The following IDE variants were observed in gnomAD, a reference collection of about 807,000 sequenced individuals.
The protein encoded by IDE is insulin-degrading enzyme.
In IDE, 58 loss-of-function variants were observed where a neutral mutation model predicts 133.2. That is an observed-to-expected ratio of 0.44 (90% CI 0.35 to 0.54). IDE has a LOEUF of 0.54. IDE is among the 20% of genes least tolerant of loss of function. The pLI is 0.00. For missense variants in IDE, 981 were observed against 1,234.0 expected (o/e 0.79, Z 3.07); for synonymous variants, 396 against 421.3 (o/e 0.94, Z 0.73).
intron 1 of IDE, among the ~76,000 whole-genome samples, chr10:92,566,245 G>C (rs1272912642): frequency 2.6e-5 from 4 of 151,468 alleles, no homozygotes; most frequent in Non-Finnish European, 4.4e-5. Flanking sequence ...TATGTGCCAA[G>C]TTCCAGCTAC....
At chr10:92,522,623 G>A (rs1019035253) in intron 4 of IDE, among the ~76,000 whole-genome samples, 2 of 152,134 alleles carry the variant, frequency 1.3e-5, no homozygotes, top group Non-Finnish European at 2.9e-5. Flanking sequence ...TAAGATCCTG[G>A]AGAAATAAAT....
At chr10:92,556,922 C>CA (rs375189780) in intron 1 of IDE, among the ~76,000 whole-genome samples, 10,430 of 82,808 alleles carry the variant, frequency 0.13, 580 homozygotes, top group Non-Finnish European at 0.18. Flanking sequence ...GACTCCGCCT[C>CA]AAAAAAAAAA....
intron 1 of IDE, among the ~76,000 whole-genome samples, chr10:92,548,966 T>C (rs1190878084): frequency 1.3e-5 from 2 of 152,072 alleles, no homozygotes; most frequent in Admixed American, 6.6e-5. Context: ...GTATGGGATA[T>C]CTCCCACAAG....
At chr10:92,560,302 G>T (rs1229856202) in intron 1 of IDE, among the ~76,000 whole-genome samples, 1 of 152,274 alleles carries the variant, frequency 6.6e-6, no homozygotes, top group South Asian at 2.1e-4. Flanking sequence ...CAGTGTCAAC[G>T]TTCCTATCTG....
chr10:92,508,339 A>C, intron 7 of IDE, 134 bp from the exon 8 acceptor site: 1 of 728,992 alleles, frequency 1.4e-6, no homozygotes, highest in Non-Finnish European at 2.4e-6. Context: ...TTGGGAAAAA[A>C]AAATCAGTTC....
chr10:92,528,212 A>G (rs979525180), intron 4 of IDE, among the ~76,000 whole-genome samples: 10 of 152,220 alleles, frequency 6.6e-5, no homozygotes, highest in Non-Finnish European at 1.5e-4. Flanking sequence ...CAAAAGTGAT[A>G]GTGGGCATCC....
chr10:92,506,427 TA>T lies in IDE; in HGVS notation c.1326+14del. On this transcript the variant is annotated intron_variant, in intron 10 of 24. Transcript: ENST00000265986. ...CCACACAGCAATGTATACAGTAAAA[TA>T]ACAACAAACTTACATGCAATATTCC... 1 of 1,378,006 alleles carries T rather than the reference TA, an allele frequency of 7.3e-7. No homozygotes were observed. The highest frequency in any genetic ancestry group is 1.0e-6 in the Non-Finnish European group (1 of 972,020). 85.4% of individuals were successfully genotyped at this position (1,378,006 alleles called of 1,614,324 possible).
intron 22 of IDE, among the ~76,000 whole-genome samples, 182 bp from the exon 23 acceptor site, chr10:92,456,613 T>C (rs1218017203): frequency 6.6e-6 from 1 of 151,926 alleles, no homozygotes. Flanking sequence ...CCGAGGCAGG[T>C]GGATCACTTG....
At chr10:92,545,775 G>A (rs955249554) in intron 1 of IDE, among the ~76,000 whole-genome samples, 1 of 152,124 alleles carries the variant, frequency 6.6e-6, no homozygotes, top group Admixed American at 6.6e-5. Flanking sequence ...TTACCAGAAT[G>A]GCTAAAAAGA....
chr10:92,455,273 T>C (rs2135288871), intron 24 of IDE, among the ~76,000 whole-genome samples: 1 of 152,076 alleles, frequency 6.6e-6, no homozygotes, highest in Middle Eastern at 3.4e-3. Context: ...GTCAGTAGTT[T>C]GAGACCAGCC....
chr10:92,551,035 C>T (rs1842754685), intron 1 of IDE, among the ~76,000 whole-genome samples: 1 of 152,152 alleles, frequency 6.6e-6, no homozygotes, highest in Non-Finnish European at 1.5e-5. Context: ...ACCATGTGAT[C>T]TAACAATTCC....
chr10:92,537,601 A>G, intron 1 of IDE, 51 bp from the exon 2 acceptor site: 1 of 1,332,870 alleles, frequency 7.5e-7, no homozygotes, highest in Non-Finnish European at 1.0e-6. Context: ...ATATTTAAGG[A>G]CAAACAATAA....
At position 92,465,677 on chromosome 10, in the gene IDE, C is replaced by T. The variant is rs781228645; in HGVS notation, c.2487G>A (p.Leu829=). 2.5e-6 allele frequency: 4 copies of T among 1,610,528 alleles called. No individual in the cohort carries two copies. The South Asian group carries it at 4.4e-5, about 18-fold the overall frequency. ...CFNTLRTKEQ[L]GYIVFSGPRR... ...GCTATTTCCCCACTTTCCTCTCACC[C>T]AACTGCTCCTTGGTGCGCAGGGTGT... Residue 829 remains leucine, a splice_region_variant and synonymous_variant, in exon 20 of 25, where the codon TTG becomes TTA. Coordinates refer to ENST00000265986, the MANE Select transcript of IDE (RefSeq NM_004969.4).
At chr10:92,485,125 C>CTTTTTTTTTTTTTTTTTTT (rs34615998) in intron 13 of IDE, among the ~76,000 whole-genome samples, 2 of 100,856 alleles carry the variant, frequency 2.0e-5, no homozygotes, top group African/African-American at 7.8e-5. Context: ...TTCTTTCTTT[C>CTTTTTTTTTTTTTTTTTTT]TTTTTTTTTT....
chr10:92,473,294 G>A (rs987547790), intron 17 of IDE, among the ~76,000 whole-genome samples: 4 of 151,936 alleles, frequency 2.6e-5, no homozygotes, highest in African/African-American at 7.3e-5. Flanking sequence ...ATTAATTGGC[G>A]AGGTAATGTT....
intron 15 of IDE, chr10:92,478,551 T>C (rs1846414859): frequency 1.4e-6 from 1 of 704,428 alleles, no homozygotes; most frequent in Non-Finnish European, 1.8e-6. Flanking sequence ...ACCATTAACT[T>C]TCTTGTTTAA....
At chr10:92,540,462 G>A (rs1408081052) in intron 1 of IDE, among the ~76,000 whole-genome samples, 1 of 152,138 alleles carries the variant, frequency 6.6e-6, no homozygotes, top group Non-Finnish European at 1.5e-5. Context: ...CCAGCAAGAA[G>A]GGCAGTGTTA....
At position 92,455,519 on chromosome 10, in the gene IDE, T is replaced by G. The variant is rs140880231; in HGVS notation, c.2964+57A>C. 491 of 1,075,910 alleles carry G rather than the reference T, an allele frequency of 4.6e-4. 3 individuals are homozygous for G. In the Middle Eastern group the frequency reaches 6.9e-3, roughly 15 times the overall value. 66.6% of individuals were successfully genotyped at this position (1,075,910 alleles called of 1,614,324 possible). A position where few individuals can be genotyped will look rare whatever the true frequency, so the allele number is the denominator to read the frequency against. On this transcript the variant is annotated intron_variant, in intron 24 of 24. Coordinates refer to ENST00000265986, the MANE Select transcript of IDE (RefSeq NM_004969.4). ...AAAAAACAAAAAAAACCAAGCTGCT[T>G]CTTCTAAATAGAAAGTCCTCTGTCA...
Position 92,504,834 on chromosome 10 carries a change from T to C in IDE, c.1390A>G (p.Ile464Val), listed in dbSNP as rs1053307586. The C allele has an allele frequency of 6.3e-7, 1 of 1,599,278 alleles. No homozygotes were observed. Among genetic ancestry groups the C allele is most frequent in the South Asian group, 1.1e-5 (1 of 88,926 alleles). ...CTGAGTTTATCGAGAACCATCTCTA[T>C]TAAGTCAGGTCTAAATTCTTCCAGT... ...YLLEEFRPDL[I>V]EMVLDKLRPE... The change falls in exon 11 of 25, where the codon ATA becomes GTA. Residue 464 changes from isoleucine (I) to valine (V), a missense_variant. Around this residue, in one of 2 missense-constraint regions of IDE, gnomAD observed 660 missense variants for 894.7 expected, o/e 0.74. Coordinates refer to ENST00000265986, the MANE Select transcript of IDE (RefSeq NM_004969.4).
Sources: gnomAD v4.1 joint callset for allele counts (sites outside exome capture counted in the v4.1 genomes callset) on GRCh38, gnomAD v4.1.1 for gene constraint, gnomAD v4.1.1 regional missense constraint, MANE v1.5 for transcripts, NCBI Gene and HGNC (gene_info 2026-07-23, HGNC 2026-07-21) for gene names.